The following EPHA6 variants were observed in gnomAD, a reference collection of about 807,000 sequenced individuals.
EPHA6 encodes ephrin type-A receptor 6.
In EPHA6, 50 loss-of-function variants were observed where a neutral mutation model predicts 112.0. That is an observed-to-expected ratio of 0.45 (90% confidence interval 0.36 to 0.56). The LOEUF (loss-of-function observed/expected upper bound fraction) is 0.56, where lower values mean the gene tolerates loss of function less well. Ranked by LOEUF, EPHA6 falls within the 20% of genes least tolerant of loss-of-function variation. The probability of loss-of-function intolerance (pLI) is 0.00; values close to 1 mark genes in which losing one functional copy is unlikely to be tolerated. For synonymous variants in EPHA6, 529 were observed against 490.7 expected (o/e 1.08, Z -1.03); for missense variants, 1,280 against 1,417.4 (o/e 0.90, Z 1.56).
chr3:96,918,691 TTAAG>T (rs2039607158), intron 2 of EPHA6, among the ~76,000 whole-genome samples: 1 of 152,074 alleles, frequency 6.6e-6, no homozygotes, highest in South Asian at 2.1e-4. Context: ...AACTTGGGCT[TTAAG>T]TATGTACAAA....
intron 11 of EPHA6, among the ~76,000 whole-genome samples, chr3:97,551,456 T>G (rs905618531): frequency 1.3e-5 from 2 of 152,178 alleles, no homozygotes; most frequent in African/African-American, 4.8e-5. Flanking sequence ...AACAAAGACA[T>G]CAGTGATTTT....
In EPHA6 at chr3:96,977,698, G is replaced by GA. The variant is rs1246159133; in HGVS notation, c.451-9628dup. Reference sequence around the variant, plus strand: ...CATGGAGATTGACCTCTGTGTTATTGAAAATCCATGTATAACATTTGACTG... The same window carrying GA: ...CATGGAGATTGACCTCTGTGTTATTGAAAAATCCATGTATAACATTTGACTG... On this transcript the variant is annotated intron_variant, in intron 2 of 17. Coordinates refer to ENST00000389672, the MANE Select transcript of EPHA6 (RefSeq NM_001080448.3). 3.3e-5 allele frequency among the ~76,000 whole-genome samples: 5 copies of GA among 152,004 alleles called. No homozygotes were observed. In the East Asian group the frequency reaches 9.6e-4, roughly 29 times the overall value.
chr3:97,044,034 T>TA (rs2045414609), intron 3 of EPHA6, among the ~76,000 whole-genome samples: 1 of 152,202 alleles, frequency 6.6e-6, no homozygotes, highest in Non-Finnish European at 1.5e-5. Context: ...ATGTATGGCC[T>TA]TTCAGCCAAT....
chr3:97,231,334 C>T (rs2078518782), intron 4 of EPHA6, among the ~76,000 whole-genome samples: 1 of 152,156 alleles, frequency 6.6e-6, no homozygotes, highest in African/African-American at 2.4e-5. Context: ...AAAGACTCAG[C>T]TTCATGCTGA....
chr3:97,351,365 G>T (rs2083806766), intron 5 of EPHA6, among the ~76,000 whole-genome samples: 1 of 152,176 alleles, frequency 6.6e-6, no homozygotes, highest in Non-Finnish European at 1.5e-5. Flanking sequence ...CCTAAGCAAT[G>T]TGCATGTAGT....
chr3:96,943,468 T>A (rs977744956), intron 2 of EPHA6, among the ~76,000 whole-genome samples: 2 of 152,228 alleles, frequency 1.3e-5, no homozygotes, highest in Admixed American at 6.5e-5. Context: ...TTTCAGATTT[T>A]ATATATTAAA....
intron 2 of EPHA6, among the ~76,000 whole-genome samples, chr3:96,967,011 A>G (rs1005296992): frequency 6.6e-6 from 1 of 151,954 alleles, no homozygotes; most frequent in Non-Finnish European, 1.5e-5. Context: ...ACTTAGGAAA[A>G]TAACATTTTC....
chr3:97,510,236 G>A (rs1405562316), intron 10 of EPHA6, among the ~76,000 whole-genome samples: 1 of 152,148 alleles, frequency 6.6e-6, no homozygotes, highest in African/African-American at 2.4e-5. Context: ...CCTTGCTTGT[G>A]AGGAGCTGTG....
intron 14 of EPHA6, among the ~76,000 whole-genome samples, chr3:97,716,219 T>C (rs1297397653): frequency 6.6e-6 from 1 of 152,144 alleles, no homozygotes; most frequent in East Asian, 1.9e-4. Context: ...GGCAAAAATA[T>C]GTAGATGAGA....
intron 3 of EPHA6, among the ~76,000 whole-genome samples, chr3:97,075,335 G>C (rs2046482786): frequency 6.6e-6 from 1 of 151,968 alleles, no homozygotes; most frequent in Non-Finnish European, 1.5e-5. Flanking sequence ...GATGTCGCAT[G>C]TTCCAGAATT....
At chr3:97,136,183 A>G (rs926907322) in intron 3 of EPHA6, among the ~76,000 whole-genome samples, 1 of 152,168 alleles carries the variant, frequency 6.6e-6, no homozygotes. Flanking sequence ...GAGCTCCTAA[A>G]CTACAAGTAA....
intron 5 of EPHA6, among the ~76,000 whole-genome samples, chr3:97,336,376 T>C (rs145250268): frequency 2.6e-5 from 4 of 152,308 alleles, no homozygotes; most frequent in African/African-American, 9.6e-5. Context: ...TTATGATTTT[T>C]GCAAGGTAGT....
At chr3:97,628,830 G>T (rs1197148430) in intron 13 of EPHA6, among the ~76,000 whole-genome samples, 3 of 151,934 alleles carry the variant, frequency 2.0e-5, no homozygotes, top group African/African-American at 7.2e-5. Context: ...TGTGCATGTG[G>T]TTATATTTGT....
chr3:97,697,147 G>A (rs564473184), intron 14 of EPHA6, among the ~76,000 whole-genome samples: 10 of 152,224 alleles, frequency 6.6e-5, no homozygotes, highest in South Asian at 2.1e-4. Flanking sequence ...AATGAGGGGC[G>A]CCACAACACT....
At chr3:97,099,345 T>C (rs72920241) in intron 3 of EPHA6, among the ~76,000 whole-genome samples, 2,736 of 152,008 alleles carry the variant, frequency 0.018, 87 homozygotes, top group African/African-American at 0.057. Flanking sequence ...AACACTTGTT[T>C]GTCTTTAAGA....
intron 10 of EPHA6, among the ~76,000 whole-genome samples, chr3:97,513,162 A>C (rs2092393768): frequency 2.0e-5 from 3 of 152,310 alleles, no homozygotes; most frequent in East Asian, 1.9e-4. Flanking sequence ...AGAAGACAAA[A>C]TCCTTGTCCT....
At chr3:96,844,687 G>A (rs1394446646) in intron 1 of EPHA6, among the ~76,000 whole-genome samples, 1 of 151,950 alleles carries the variant, frequency 6.6e-6, no homozygotes, top group Non-Finnish European at 1.5e-5. Context: ...AATACTTTCT[G>A]TAATCAATGG....
chr3:97,124,011 C>A (rs72922317), intron 3 of EPHA6, among the ~76,000 whole-genome samples: 1,962 of 152,046 alleles, frequency 0.013, 46 homozygotes, highest in African/African-American at 0.043. Flanking sequence ...TGCTTTATTT[C>A]TATGGAATGC....
chr3:96,987,649 G>A lies in EPHA6; in HGVS notation c.770G>A (p.Gly257Asp). The A allele has an allele frequency of 6.2e-7, 1 of 1,608,886 alleles. No homozygotes were observed. The highest frequency in any genetic ancestry group is 8.5e-7 in the Non-Finnish European group (1 of 1,176,070). Residue 257 changes from glycine to aspartate, a missense_variant, in exon 3 of 18, where the codon GGT (glycine) becomes GAT (aspartate). Gly to Asp is a moderately conservative substitution (Grantham distance 94). Transcript: ENST00000389672. ...ADESFTQMDL[G>D]DRILKLNTEI... is the part of the protein sequence containing the mutation. ...GAGAGTTTTACCCAGATGGATTTGG[G>A]TGATCGCATCCTCAAACTCAACACT...
Sources: allele counts gnomAD v4.1 joint callset (sites outside exome capture counted in the v4.1 genomes callset), GRCh38; gene constraint gnomAD v4.1.1; transcripts MANE v1.5; gene names NCBI Gene and HGNC (gene_info 2026-07-23, HGNC 2026-07-21).